The following ERC2 variants were observed in gnomAD, a reference collection of about 807,000 sequenced individuals.
The protein encoded by ERC2 is ERC protein 2.
In ERC2, 42 loss-of-function variants were observed where a neutral mutation model predicts 114.8. That is an observed-to-expected ratio of 0.37 (90% CI 0.29 to 0.47). ERC2 has a LOEUF of 0.47. ERC2 is among the 20% of genes least tolerant of loss of function. The probability of loss-of-function intolerance (pLI) is 0.99; values close to 1 mark genes in which losing one functional copy is unlikely to be tolerated. For synonymous variants in ERC2, 454 were observed against 425.5 expected (o/e 1.07, Z -0.82); for missense variants, 939 against 1,150.7 (o/e 0.82, Z 2.66).
At chr3:55,520,436 A>AAG (rs1431103982) in intron 17 of ERC2, among the ~76,000 whole-genome samples, 9 of 149,262 alleles carry the variant, frequency 6.0e-5, no homozygotes, top group Admixed American at 2.0e-4. Context: ...TCTGTCTCAA[A>AAG]AAAAAAAAAA....
intron 12 of ERC2, among the ~76,000 whole-genome samples, chr3:55,984,834 A>G (rs963721569): frequency 2.6e-5 from 4 of 152,170 alleles, no homozygotes; most frequent in Non-Finnish European, 5.9e-5. Flanking sequence ...GAAGTATTCA[A>G]GGACTATGAG....
At chr3:56,107,064 GA>G (rs1426994986) in intron 6 of ERC2, among the ~76,000 whole-genome samples, 11 of 152,072 alleles carry the variant, frequency 7.2e-5, no homozygotes, top group Non-Finnish European at 1.3e-4. Flanking sequence ...GGGAGGATAT[GA>G]ACGAGGATAT....
intron 14 of ERC2, among the ~76,000 whole-genome samples, chr3:55,829,204 C>T (rs2315944): frequency 0.36 from 54,249 of 152,026 alleles, 12,015 homozygotes; most frequent in African/African-American, 0.62. Context: ...AGATGATCAA[C>T]AGATGCCAAC....
At chr3:55,888,103 C>T (rs1292045151) in intron 14 of ERC2, among the ~76,000 whole-genome samples, 1 of 152,230 alleles carries the variant, frequency 6.6e-6, no homozygotes, top group Non-Finnish European at 1.5e-5. Flanking sequence ...CTGGCTCAGA[C>T]CTTTCCAACA....
intron 3 of ERC2, among the ~76,000 whole-genome samples, chr3:56,226,569 C>G (rs184847437): frequency 6.6e-6 from 1 of 151,892 alleles, no homozygotes; most frequent in Non-Finnish European, 1.5e-5. Context: ...GTCTCTCTCT[C>G]TATATATATA....
At chr3:56,228,562 C>T (rs1192070502) in intron 3 of ERC2, among the ~76,000 whole-genome samples, 1 of 152,140 alleles carries the variant, frequency 6.6e-6, no homozygotes, top group South Asian at 2.1e-4. Flanking sequence ...AATAATATTC[C>T]ATTTTATGTC....
intron 4 of ERC2, among the ~76,000 whole-genome samples, chr3:56,162,728 C>T (rs558188908): frequency 1.3e-5 from 2 of 152,146 alleles, no homozygotes; most frequent in South Asian, 2.1e-4. Flanking sequence ...TGTATTGTCA[C>T]CTTTGTCATT....
At chr3:56,204,167 A>C (rs9880422) in intron 3 of ERC2, among the ~76,000 whole-genome samples, 76,168 of 151,982 alleles carry the variant, frequency 0.5, 19,457 homozygotes, top group East Asian at 0.73. Flanking sequence ...CCAGCCTGGG[A>C]GACAGAAAGA....
rs545468208 is a variant in ERC2 at position 56,145,115 on chromosome 3, C to A, written c.1305+3862G>T. 2.0e-4 allele frequency among the ~76,000 whole-genome samples: 30 copies of A among 152,316 alleles called. No individual in the cohort carries two copies. The South Asian group carries it at 6.2e-3, about 32-fold the overall frequency. On this transcript the variant is annotated intron_variant, in intron 5 of 17. Coordinates refer to ENST00000288221, the MANE Select transcript of ERC2 (RefSeq NM_015576.3). ...CACAAACTACACCCTGAAAAAAACA[C>A]TCTGCCAAGGAAAACAGCTTCTTTT...
chr3:56,065,523 T>A (rs80202765), intron 7 of ERC2, among the ~76,000 whole-genome samples: 40,942 of 150,954 alleles, frequency 0.27, 7,023 homozygotes, highest in Middle Eastern at 0.39. Context: ...ACTTTCTTTT[T>A]TAAAAAAAAA....
chr3:56,122,413 A>G (rs2079629294), intron 6 of ERC2, among the ~76,000 whole-genome samples: 1 of 152,214 alleles, frequency 6.6e-6, no homozygotes, highest in Non-Finnish European at 1.5e-5. Context: ...GTTTGGAAAG[A>G]TGCAAGAGGG....
intron 7 of ERC2, among the ~76,000 whole-genome samples, chr3:56,023,631 CCTTA>C (rs1001826751): frequency 6.6e-6 from 1 of 152,094 alleles, no homozygotes; most frequent in Non-Finnish European, 1.5e-5. Flanking sequence ...AAAATTGCTT[CCTTA>C]CTTATCTATT....
intron 17 of ERC2, among the ~76,000 whole-genome samples, chr3:55,677,860 C>T (rs534619294): frequency 2.0e-3 from 308 of 152,296 alleles, no homozygotes; most frequent in Non-Finnish European, 3.5e-3. Context: ...TGGACGCCTG[C>T]TTGAGAATCT....
chr3:56,162,542 T>G (rs1575637999), intron 4 of ERC2, among the ~76,000 whole-genome samples: 1 of 152,112 alleles, frequency 6.6e-6, no homozygotes, highest in African/African-American at 2.4e-5. Flanking sequence ...TTTTGTTACT[T>G]ATTCAATTTT....
chr3:55,558,594 T>C (rs940720598), intron 17 of ERC2, among the ~76,000 whole-genome samples: 7 of 152,226 alleles, frequency 4.6e-5, no homozygotes, highest in African/African-American at 1.4e-4. Context: ...TAACAGAAGT[T>C]TGTCTGATGT....
chr3:55,933,142 G>A (rs1293421297), intron 13 of ERC2, among the ~76,000 whole-genome samples: 2 of 151,528 alleles, frequency 1.3e-5, no homozygotes, highest in African/African-American at 4.8e-5. Context: ...CTGGGAGGTG[G>A]AGGCTGCAGT....
intron 2 of ERC2, among the ~76,000 whole-genome samples, chr3:56,386,120 TA>T (rs2059925402): frequency 6.6e-6 from 1 of 152,086 alleles, no homozygotes; most frequent in South Asian, 2.1e-4. Flanking sequence ...TTCAGCTCTA[TA>T]AAAATTAGAG....
chr3:56,079,651 T>G (rs972286718), intron 7 of ERC2, among the ~76,000 whole-genome samples: 1 of 152,042 alleles, frequency 6.6e-6, no homozygotes, highest in Non-Finnish European at 1.5e-5. Context: ...TCCCTATGCT[T>G]GGTTTAAGGC....
At chr3:55,776,080 C>T (rs1474297066) in intron 14 of ERC2, among the ~76,000 whole-genome samples, 1 of 151,612 alleles carries the variant, frequency 6.6e-6, no homozygotes, top group Non-Finnish European at 1.5e-5. Flanking sequence ...CTGTGAAGGC[C>T]TGCATATCAA....
Sources: gnomAD v4.1 joint callset for allele counts (sites outside exome capture counted in the v4.1 genomes callset) on GRCh38, gnomAD v4.1.1 for gene constraint, MANE v1.5 for transcripts, NCBI Gene and HGNC (gene_info 2026-07-23, HGNC 2026-07-21) for gene names.